The following H4C16 variants were observed in gnomAD, a reference collection of about 807,000 sequenced individuals.
The protein encoded by H4C16 is histone H4.
the H4C16 span, chr12:14,770,928 C>A: frequency 1.2e-6 from 2 of 1,614,218 alleles, no homozygotes; most frequent in East Asian, 2.2e-5. Context: ...CGGGTCTCCT[C>A]GTAGATGAGA....
At chr12:14,770,728 C>T in the H4C16 span, 5 of 1,537,728 alleles carry the variant, frequency 3.3e-6, no homozygotes, top group Non-Finnish European at 4.4e-6. Context: ...TTTGGGGGCC[C>T]TGAAAAGGGC....
chr12:14,770,838 TGAC>T, the H4C16 span: 1 of 1,614,196 alleles, frequency 6.2e-7, no homozygotes, highest in Non-Finnish European at 8.5e-7. Flanking sequence ...TCCATGGCCG[TGAC>T]GGTCTTGCGC....
the H4C16 span, chr12:14,770,980 A>G: frequency 6.2e-7 from 1 of 1,614,224 alleles, no homozygotes; most frequent in East Asian, 2.2e-5. Context: ...CGAGACGGCG[A>G]ATCGCCGGCT....
the H4C16 span, chr12:14,771,099 G>C: frequency 6.4e-7 from 1 of 1,570,518 alleles, no homozygotes; most frequent in Non-Finnish European, 8.7e-7. Context: ...AAATCACAGC[G>C]CCTACTCAGC....
At chr12:14,770,818 G>A in the H4C16 span, 3 of 1,614,148 alleles carry the variant, frequency 1.9e-6, no homozygotes, top group East Asian at 6.7e-5. Context: ...GTTTCAGCGC[G>A]TACACCACAT....
the H4C16 span, chr12:14,771,050 C>A: frequency 6.2e-7 from 1 of 1,608,924 alleles, no homozygotes; most frequent in South Asian, 1.1e-5. Context: ...GCCTCCCTTA[C>A]CCAGCCCCTT....
chr12:14,770,843 G>A, the H4C16 span: 1 of 1,614,194 alleles, frequency 6.2e-7, no homozygotes, highest in Non-Finnish European at 8.5e-7. Flanking sequence ...GGCCGTGACG[G>A]TCTTGCGCTT....
chr12:14,770,950 C>A, the H4C16 span: 1 of 1,614,236 alleles, frequency 6.2e-7, no homozygotes. Flanking sequence ...CAGAAATGCG[C>A]TTGACGCCCC....
the H4C16 span, chr12:14,770,929 G>A: frequency 1.1e-5 from 18 of 1,614,220 alleles, no homozygotes; most frequent in Non-Finnish European, 1.4e-5. Flanking sequence ...GGGTCTCCTC[G>A]TAGATGAGAC....
At chr12:14,771,122 T>G in the H4C16 span, 10 of 1,546,186 alleles carry the variant, frequency 6.5e-6, no homozygotes, top group African/African-American at 6.9e-5. Flanking sequence ...AAAATCGGGC[T>G]GCCCACTGTG....
chr12:14,771,030 G>T, the H4C16 span: 1 of 1,613,372 alleles, frequency 6.2e-7, no homozygotes, highest in South Asian at 1.1e-5. Context: ...ACCTTCCGGT[G>T]GCGCTTGGCG....
chr12:14,771,120 G>T, the H4C16 span: 1 of 1,550,508 alleles, frequency 6.4e-7, no homozygotes, highest in East Asian at 2.3e-5. Context: ...AGAAAATCGG[G>T]CTGCCCACTG....
At chr12:14,770,971 G>A in the H4C16 span, 2 of 1,614,088 alleles carry the variant, frequency 1.2e-6, no homozygotes, top group Admixed American at 1.7e-5. Flanking sequence ...CACGTCGGGC[G>A]AGACGGCGAA....
At chr12:14,770,865 T>G in the H4C16 span, 5 of 1,614,206 alleles carry the variant, frequency 3.1e-6, no homozygotes, top group South Asian at 5.5e-5. Flanking sequence ...GCGTGCTCCG[T>G]GTAAGTCACC....
chr12:14,770,794 G>T, the H4C16 span: 7 of 1,613,322 alleles, frequency 4.3e-6, no homozygotes, highest in Non-Finnish European at 5.9e-6. Flanking sequence ...AACCATAAAG[G>T]GTGCGACCCT....
the H4C16 span, chr12:14,771,076 C>T: frequency 5.7e-6 from 9 of 1,590,434 alleles, no homozygotes; most frequent in Admixed American, 7.0e-5. Flanking sequence ...CTTTACCTCG[C>T]CCAGACATTC....
At chr12:14,770,835 C>CCGTGA in the H4C16 span, 9 of 1,614,056 alleles carry the variant, frequency 5.6e-6, no homozygotes, top group Non-Finnish European at 7.6e-6. Context: ...ACATCCATGG[C>CCGTGA]CGTGACGGTC....
At chr12:14,770,744 G>A in the H4C16 span, 13 of 1,565,390 alleles carry the variant, frequency 8.3e-6, no homozygotes, top group African/African-American at 1.4e-4. Context: ...AGGGCCTTTT[G>A]GAGTCTGTAG....
chr12:14,770,866 G>C, the H4C16 span: 1 of 1,614,196 alleles, frequency 6.2e-7, no homozygotes, highest in Non-Finnish European at 8.5e-7. Flanking sequence ...CGTGCTCCGT[G>C]TAAGTCACCG....
Sources: allele counts gnomAD v4.1 joint callset, GRCh38; gene constraint gnomAD v4.1.1; transcripts MANE v1.5; gene names NCBI Gene and HGNC (gene_info 2026-07-23, HGNC 2026-07-21).